Variants in LRP1B observed in about 807,000 individuals in gnomAD.
LRP1B encodes the protein LDL receptor related protein 1B.
LRP1B carries 217 observed loss-of-function variants against 556.6 expected under a neutral mutation model. That is an observed-to-expected ratio of 0.39 (90% CI 0.35 to 0.44). LRP1B has a LOEUF of 0.44. LRP1B is among the 20% of genes least tolerant of loss of function. The pLI is 1.00. For synonymous variants in LRP1B, 2,047 were observed against 1,865.8 expected (o/e 1.10, Z -2.50); for missense variants, 5,053 against 5,620.8 (o/e 0.90, Z 3.23).
intron 3 of LRP1B, among the ~76,000 whole-genome samples, chr2:141,365,431 TAAAG>T (rs1688981076): frequency 4.6e-5 from 7 of 151,118 alleles, no homozygotes; most frequent in Admixed American, 4.6e-4. Flanking sequence ...TAGAGTCCCA[TAAAG>T]AATGAAACAT....
At position 140,597,268 on chromosome 2, in the gene LRP1B, C is replaced by T. The variant is rs543693354; in HGVS notation, c.7194+1363G>A. Among the ~76,000 whole-genome samples, 46 of 152,062 alleles carry T rather than the reference C, an allele frequency of 3.0e-4. 1 individual carries two copies. Among genetic ancestry groups the T allele is most frequent in the Admixed American group, 2.6e-3 (40 of 15,256 alleles). The stretch of plus-strand genomic sequence containing the variant: ...ACATCTTTTAACTGTCAGAAAAAAT[C>T]CTTTAAATTATGTTAGTGCTATCTT... On this transcript the variant is annotated intron_variant, in intron 43 of 90. Transcript: ENST00000389484.
At chr2:142,027,414 T>C (rs1703545411) in intron 1 of LRP1B, among the ~76,000 whole-genome samples, 1 of 151,820 alleles carries the variant, frequency 6.6e-6, no homozygotes, top group Non-Finnish European at 1.5e-5. Flanking sequence ...AATATATATT[T>C]ATAGTCTATA....
rs1685463294 is a variant in LRP1B at position 141,544,381 on chromosome 2, T to TCTTCTTCTTCTC, written c.206-63849_206-63848insGAGAAGAAGAAG. 1.4e-4 allele frequency among the ~76,000 whole-genome samples: 11 copies of TCTTCTTCTTCTC among 79,782 alleles called. 2 individuals carry two copies. The South Asian group carries it at 2.2e-3, about 16-fold the overall frequency. 52.3% of individuals were successfully genotyped at this position (79,782 alleles called of 152,430 possible). On this transcript the variant is annotated intron_variant, in intron 2 of 90. Transcript: ENST00000389484. ...TTCTTCTTCTTCTTCTTCTTCTTCTTCTCCTCCTCCTCCTCCTCCTCCTCC... is the reference window on the plus strand; with the variant it reads ...TTCTTCTTCTTCTTCTTCTTCTTCTTCTTCTTCTTCTCCTCCTCCTCCTCCTCCTCCTCCTCC...
intron 3 of LRP1B, among the ~76,000 whole-genome samples, chr2:141,397,616 T>C (rs1222546013): frequency 1.3e-5 from 2 of 151,880 alleles, no homozygotes; most frequent in Admixed American, 1.3e-4. Flanking sequence ...ACACCTGGAT[T>C]TTTTATTGCT....
chr2:142,003,192 T>C (rs1168415609), intron 1 of LRP1B, among the ~76,000 whole-genome samples: 2 of 152,216 alleles, frequency 1.3e-5, no homozygotes, highest in African/African-American at 2.4e-5. Context: ...TCCATAAAAA[T>C]TTACTGAACA....
chr2:141,424,523 C>T (rs1441311719), intron 3 of LRP1B, among the ~76,000 whole-genome samples: 1 of 152,180 alleles, frequency 6.6e-6, no homozygotes, highest in Non-Finnish European at 1.5e-5. Context: ...CCTGAATCTT[C>T]ATTACTCTTA....
chr2:141,661,487 T>G (rs566792379), intron 2 of LRP1B, among the ~76,000 whole-genome samples: 1 of 152,244 alleles, frequency 6.6e-6, no homozygotes, highest in East Asian at 1.9e-4. Flanking sequence ...GAAACATAAA[T>G]GACCTGATGG....
chr2:140,788,571 A>G (rs12621209), intron 32 of LRP1B, among the ~76,000 whole-genome samples: 65,826 of 151,974 alleles, frequency 0.43, 15,870 homozygotes, highest in East Asian at 0.58. Flanking sequence ...CAATATTAGA[A>G]CCTCTCTATT....
At chr2:140,469,259 G>A (rs147922451) in intron 60 of LRP1B, among the ~76,000 whole-genome samples, 2 of 152,238 alleles carry the variant, frequency 1.3e-5, no homozygotes, top group East Asian at 3.9e-4. Flanking sequence ...TGGGAATGGT[G>A]CCCTTATAAA....
At chr2:140,640,095 C>T (rs1249645219) in intron 41 of LRP1B, among the ~76,000 whole-genome samples, 4 of 151,794 alleles carry the variant, frequency 2.6e-5, no homozygotes, top group Non-Finnish European at 4.4e-5. Context: ...CTCCGCCTCC[C>T]GGGTTCACGC....
At position 141,041,427 on chromosome 2, in the gene LRP1B, C is replaced by T. The variant is rs80353918; in HGVS notation, c.1789+7559G>A. Among the ~76,000 whole-genome samples, 821 of 152,168 alleles carry T rather than the reference C, an allele frequency of 5.4e-3. 7 individuals carry two copies. Among genetic ancestry groups the T allele is most frequent in the African/African-American group, 0.019 (781 of 41,532 alleles). ...TCTCAGGAAGAGTCCATTTCTTTGCCTTTTCCAGCTTCTGGAAGCCACCTG... is the reference window on the plus strand; with the variant it reads ...TCTCAGGAAGAGTCCATTTCTTTGCTTTTTCCAGCTTCTGGAAGCCACCTG... On this transcript the variant is annotated intron_variant, in intron 11 of 90. Coordinates refer to ENST00000389484, the MANE Select transcript of LRP1B (RefSeq NM_018557.3).
intron 63 of LRP1B, among the ~76,000 whole-genome samples, chr2:140,446,195 T>C (rs1346186077): frequency 6.6e-6 from 1 of 152,140 alleles, no homozygotes; most frequent in Non-Finnish European, 1.5e-5. Flanking sequence ...TTGCTTTGTA[T>C]ACAATTTTCT....
At chr2:141,192,869 GTTAT>G (rs1376276586) in intron 6 of LRP1B, among the ~76,000 whole-genome samples, 2 of 151,870 alleles carry the variant, frequency 1.3e-5, no homozygotes, top group Non-Finnish European at 2.9e-5. Context: ...TTTAAAACTT[GTTAT>G]TTGTTAGATT....
chr2:140,885,337 T>C (rs904059165), intron 24 of LRP1B, among the ~76,000 whole-genome samples: 5 of 151,832 alleles, frequency 3.3e-5, no homozygotes, highest in African/African-American at 9.7e-5. Flanking sequence ...AAGAAATATA[T>C]ATTTATGTCA....
At chr2:141,980,551 G>A (rs1024926418) in intron 1 of LRP1B, among the ~76,000 whole-genome samples, 7 of 152,060 alleles carry the variant, frequency 4.6e-5, no homozygotes, top group African/African-American at 1.4e-4. Context: ...TGGAGAAACT[G>A]GAAAGATGGT....
At chr2:140,378,391 TAGTC>T (rs890161992) in intron 67 of LRP1B, 105 bp from the exon 68 acceptor site, 4 of 621,822 alleles carry the variant, frequency 6.4e-6, no homozygotes, top group African/African-American at 3.7e-5. Context: ...AAAAAGAGGT[TAGTC>T]AGACAGAACC....
chr2:140,813,862 C>T (rs1691013604), intron 31 of LRP1B, 56 bp from the exon 32 acceptor site: 2 of 1,249,232 alleles, frequency 1.6e-6, no homozygotes, highest in Non-Finnish European at 2.3e-6. Flanking sequence ...TTGTAATATC[C>T]ACCTAGCACC....
chr2:140,904,212 G>A (rs1305111872), intron 22 of LRP1B, among the ~76,000 whole-genome samples: 1 of 152,002 alleles, frequency 6.6e-6, no homozygotes, highest in Admixed American at 6.6e-5. Flanking sequence ...GTCTACTTGA[G>A]AAAATTTCAA....
At chr2:141,323,322 T>C (rs1185370299) in intron 3 of LRP1B, among the ~76,000 whole-genome samples, 2 of 152,110 alleles carry the variant, frequency 1.3e-5, no homozygotes, top group Admixed American at 6.6e-5. Flanking sequence ...AAATATCCAA[T>C]ACAGCATATT....
Sources: allele counts gnomAD v4.1 joint callset (sites outside exome capture counted in the v4.1 genomes callset), GRCh38; gene constraint gnomAD v4.1.1; transcripts MANE v1.5; gene names NCBI Gene and HGNC (gene_info 2026-07-23, HGNC 2026-07-21).